PPP1R9A: variants seen among roughly 807,000 people sequenced by gnomAD.
PPP1R9A encodes the protein neurabin-1.
Under a neutral mutation model 141.9 loss-of-function variants are expected in PPP1R9A, and 59 were observed. The ratio of observed to expected loss-of-function variants is 0.42; its 90% CI spans 0.34 to 0.52. The LOEUF (loss-of-function observed/expected upper bound fraction) is 0.52, where lower values mean the gene tolerates loss of function less well. Among genes scored for constraint, PPP1R9A ranks in the 20% least tolerant of loss-of-function variants. The pLI is 0.10. For synonymous variants in PPP1R9A, 500 were observed against 569.7 expected, an observed-to-expected ratio of 0.88 and a Z score of 1.74; for missense variants, 1,444 against 1,611.9, an observed-to-expected ratio of 0.90 and a Z score of 1.78.
intron 2 of PPP1R9A, among the ~76,000 whole-genome samples, chr7:94,942,655 T>G (rs1795457643): frequency 6.6e-6 from 1 of 151,812 alleles, no homozygotes; most frequent in Non-Finnish European, 1.5e-5. Context: ...ATACAAAAAA[T>G]TAGCTGGGCA....
At chr7:95,101,747 C>A (rs1435356236) in intron 2 of PPP1R9A, among the ~76,000 whole-genome samples, 2 of 152,222 alleles carry the variant, frequency 1.3e-5, no homozygotes, top group Non-Finnish European at 2.9e-5. Context: ...ACATGGATTA[C>A]AGAAGTGAGC....
intron 8 of PPP1R9A, among the ~76,000 whole-genome samples, chr7:95,246,131 C>T (rs1798086832): frequency 6.6e-6 from 1 of 152,174 alleles, no homozygotes; most frequent in African/African-American, 2.4e-5. Flanking sequence ...TCGAATAGAC[C>T]TGTCCTTGGT....
At chr7:95,168,204 A>G (rs551924306) in intron 5 of PPP1R9A, among the ~76,000 whole-genome samples, 1 of 152,306 alleles carries the variant, frequency 6.6e-6, no homozygotes, top group South Asian at 2.1e-4. Flanking sequence ...AACACAGACC[A>G]ATAAAACAGA....
chr7:95,031,058 G>GTT (rs1807608172), intron 2 of PPP1R9A, among the ~76,000 whole-genome samples: 2 of 152,156 alleles, frequency 1.3e-5, no homozygotes, highest in Non-Finnish European at 2.9e-5. Flanking sequence ...TGATGGCCAA[G>GTT]TAGGGCAGAA....
Position 94,911,344 on chromosome 7 carries a change from A to G in PPP1R9A, c.1231A>G (p.Asn411Asp). ...TGTGTATAGGGTGAGATCCAGGTATAATTCAGACTGGGGAGAGACAGGCAC... is the reference window on the plus strand; with the variant it reads ...TGTGTATAGGGTGAGATCCAGGTATGATTCAGACTGGGGAGAGACAGGCAC... ...YNVYRVRSRYNSDWGETGTEQ... is the reference protein window; with the variant it reads ...YNVYRVRSRYDSDWGETGTEQ... The change falls in exon 2 of 20, where the codon AAT becomes GAT. Residue 411 changes from asparagine (N) to aspartate (D), a missense_variant. Around this residue, in one of 5 missense-constraint regions of PPP1R9A, gnomAD observed 490 missense variants for 521.1 expected, o/e 0.94. Coordinates refer to ENST00000433360, the MANE Select transcript of PPP1R9A (RefSeq NM_001166160.2). 2 of 1,614,164 alleles carry G rather than the reference A, an allele frequency of 1.2e-6. No individual in the cohort carries two copies. Among genetic ancestry groups the G allele is most frequent in the Middle Eastern group, 1.6e-4 (1 of 6,062 alleles).
intron 2 of PPP1R9A, among the ~76,000 whole-genome samples, chr7:95,063,775 T>A (rs1266620016): frequency 1.3e-5 from 2 of 152,032 alleles, no homozygotes; most frequent in African/African-American, 4.8e-5. Flanking sequence ...GTTGCGGAAA[T>A]TTGTGGGGAT....
chr7:95,059,292 C>T (rs1203123742), intron 2 of PPP1R9A, among the ~76,000 whole-genome samples: 2 of 151,968 alleles, frequency 1.3e-5, no homozygotes, highest in South Asian at 4.1e-4. Context: ...CGTCTTCTAC[C>T]CTTCTCCTCA....
intron 2 of PPP1R9A, among the ~76,000 whole-genome samples, chr7:95,097,122 C>T (rs937729399): frequency 3.9e-5 from 6 of 152,090 alleles, no homozygotes; most frequent in Admixed American, 3.3e-4. Context: ...CTCCCAGATT[C>T]AAGCGATTCT....
chr7:95,079,216 T>C (rs535744405), intron 2 of PPP1R9A, among the ~76,000 whole-genome samples: 1 of 152,132 alleles, frequency 6.6e-6, no homozygotes, highest in Admixed American at 6.5e-5. Flanking sequence ...CCAGTTTTCC[T>C]AGCACCATTT....
intron 2 of PPP1R9A, among the ~76,000 whole-genome samples, chr7:95,001,000 GT>G (rs1440535464): frequency 1.3e-5 from 2 of 152,098 alleles, no homozygotes; most frequent in African/African-American, 4.8e-5. Flanking sequence ...AGAGCCCTGT[GT>G]CTTAACATCC....
intron 7 of PPP1R9A, 99 bp from the exon 8 acceptor site, chr7:95,225,862 T>A: frequency 7.9e-7 from 1 of 1,266,604 alleles, no homozygotes; most frequent in Non-Finnish European, 1.1e-6. Flanking sequence ...TTTTACCATT[T>A]GGGTACATGT....
chr7:95,125,917 C>T (rs1823483989), intron 4 of PPP1R9A, among the ~76,000 whole-genome samples: 1 of 152,024 alleles, frequency 6.6e-6, no homozygotes, highest in Non-Finnish European at 1.5e-5. Context: ...AAATTCACCC[C>T]CTCTTAGGAC....
intron 12 of PPP1R9A, among the ~76,000 whole-genome samples, chr7:95,252,793 G>T (rs1001389796): frequency 6.6e-6 from 1 of 152,124 alleles, no homozygotes; most frequent in African/African-American, 2.4e-5. Context: ...TAAGTCACTA[G>T]AATAAAGATC....
intron 7 of PPP1R9A, among the ~76,000 whole-genome samples, chr7:95,215,658 G>A (rs575653777): frequency 2.6e-4 from 40 of 152,068 alleles, no homozygotes; most frequent in Admixed American, 1.8e-3. Flanking sequence ...TTTAATGATC[G>A]CCATTCTAAC....
At chr7:94,969,249 C>CT (rs1006640330) in intron 2 of PPP1R9A, among the ~76,000 whole-genome samples, 1 of 152,098 alleles carries the variant, frequency 6.6e-6, no homozygotes, top group African/African-American at 2.4e-5. Flanking sequence ...AATTTTCAGC[C>CT]TTTTTGTGCT....
chr7:95,122,046 ATTTT>A (rs1563267924), intron 4 of PPP1R9A, among the ~76,000 whole-genome samples: 1 of 152,080 alleles, frequency 6.6e-6, no homozygotes, highest in African/African-American at 2.4e-5. Flanking sequence ...ATAGCTTTAA[ATTTT>A]TTTATGTTTA....
intron 12 of PPP1R9A, among the ~76,000 whole-genome samples, chr7:95,263,981 A>C (rs189083961): frequency 6.6e-6 from 1 of 152,154 alleles, no homozygotes; most frequent in Non-Finnish European, 1.5e-5. Context: ...CTGTTTTGCA[A>C]TTGAGGATCC....
chr7:95,026,202 C>T (rs1430152485), intron 2 of PPP1R9A, among the ~76,000 whole-genome samples: 1 of 152,186 alleles, frequency 6.6e-6, no homozygotes, highest in African/African-American at 2.4e-5. Flanking sequence ...TTCTTCTGAT[C>T]TTTGTGGATT....
intron 16 of PPP1R9A, among the ~76,000 whole-genome samples, chr7:95,274,722 A>T (rs1054241868): frequency 1.3e-5 from 2 of 152,194 alleles, no homozygotes; most frequent in African/African-American, 4.8e-5. Flanking sequence ...ACAGCATGTT[A>T]TCAAATTTTC....
Sources: allele counts gnomAD v4.1 joint callset (sites outside exome capture counted in the v4.1 genomes callset), GRCh38; gene constraint gnomAD v4.1.1; regional missense constraint gnomAD v4.1.1; transcripts MANE v1.5; gene names NCBI Gene and HGNC (gene_info 2026-07-23, HGNC 2026-07-21).